The following CD6 variants were observed in gnomAD, a reference collection of about 807,000 sequenced individuals.
CD6 encodes CD6 molecule, also known as T-cell differentiation antigen CD6.
Under a neutral mutation model 75.3 loss-of-function variants are expected in CD6, and 53 were observed. The observed-to-expected ratio is 0.70, with a 90% CI of 0.56 to 0.88. The LOEUF (loss-of-function observed/expected upper bound fraction) is 0.88, where lower values mean the gene tolerates loss of function less well. Ranked by LOEUF, CD6 falls within the 40% of genes least tolerant of loss-of-function variation. The pLI, the probability that CD6 is intolerant of heterozygous loss-of-function variation, is 0.00. For synonymous variants in CD6, 359 were observed against 381.5 expected, an observed-to-expected ratio of 0.94 and a Z score of 0.69; for missense variants, 770 against 897.1, an observed-to-expected ratio of 0.86 and a Z score of 1.81.
At chr11:60,979,804 T>C (rs1340339717) in intron 1 of CD6, among the ~76,000 whole-genome samples, 1 of 152,168 alleles carries the variant, frequency 6.6e-6, no homozygotes, top group African/African-American at 2.4e-5. Context: ...ATTCAGTACC[T>C]GCTGAGTACC....
At chr11:60,980,420 T>C (rs948250420) in intron 1 of CD6, among the ~76,000 whole-genome samples, 15 of 152,084 alleles carry the variant, frequency 9.9e-5, no homozygotes, top group African/African-American at 3.6e-4. Context: ...GAGAATGACT[T>C]GAGCCCAGGA....
At chr11:61,000,201 G>C (rs1858513545) in intron 1 of CD6, among the ~76,000 whole-genome samples, 1 of 152,216 alleles carries the variant, frequency 6.6e-6, no homozygotes, top group African/African-American at 2.4e-5. Flanking sequence ...TATGGTACTT[G>C]AGATAGTTTT....
intron 1 of CD6, among the ~76,000 whole-genome samples, chr11:60,983,728 G>A (rs954849212): frequency 6.6e-6 from 1 of 151,634 alleles, no homozygotes; most frequent in African/African-American, 2.4e-5. Flanking sequence ...TTGGATAATC[G>A]ACAGAATTTA....
chr11:60,988,799 A>T (rs1297636194), intron 1 of CD6, among the ~76,000 whole-genome samples: 1 of 152,150 alleles, frequency 6.6e-6, no homozygotes, highest in East Asian at 1.9e-4. Flanking sequence ...CACAAGCTAA[A>T]ACTGCTTCTG....
intron 9 of CD6, among the ~76,000 whole-genome samples, chr11:61,016,552 T>G (rs1859414129): frequency 6.6e-6 from 1 of 152,260 alleles, no homozygotes; most frequent in Admixed American, 6.5e-5. Context: ...TTCTTGCTGC[T>G]GTGCAGTCCC....
chr11:61,015,556 G>A (rs1859358646), intron 8 of CD6, 157 bp from the exon 9 acceptor site: 2 of 833,166 alleles, frequency 2.4e-6, no homozygotes, highest in Non-Finnish European at 3.8e-6. Context: ...GGACAACAGA[G>A]TGAGACCCTG....
In CD6 at chr11:61,020,086, CCCCAG is replaced by C; in HGVS notation, c.*777_*781del. 1 of 398,578 alleles carries C rather than the reference CCCCAG, an allele frequency of 2.5e-6. No individual in the cohort carries two copies. The highest frequency in any genetic ancestry group is 4.4e-6 in the Non-Finnish European group (1 of 226,136). 24.7% of individuals were successfully genotyped at this position (398,578 alleles called of 1,614,324 possible). A position where few individuals can be genotyped will look rare whatever the true frequency, so the allele number is the denominator to read the frequency against. ...AGTTTCCTATGGTTTACAAAGAGGG[CCCCAG>C]CCCAGCCCCACCACAGATCCCAGAG... On this transcript the variant is annotated 3_prime_UTR_variant, in exon 13 of 13. Transcript: ENST00000313421.
At chr11:60,996,168 C>T (rs1409552181) in intron 1 of CD6, among the ~76,000 whole-genome samples, 3 of 152,192 alleles carry the variant, frequency 2.0e-5, no homozygotes, top group Admixed American at 1.3e-4. Flanking sequence ...TTCCCCATCT[C>T]GTGGTCTTGC....
At chr11:61,017,721 C>T (rs1481686588) in intron 10 of CD6, 38 bp from the exon 11 acceptor site, 2 of 1,612,826 alleles carry the variant, frequency 1.2e-6, no homozygotes, top group African/African-American at 1.3e-5. Context: ...TCTTGCTGCA[C>T]TGCTTCTTTC....
At chr11:60,978,839 A>C (rs930399376) in intron 1 of CD6, among the ~76,000 whole-genome samples, 1 of 152,198 alleles carries the variant, frequency 6.6e-6, no homozygotes, top group African/African-American at 2.4e-5. Context: ...AAAATCCCCA[A>C]CTCACCAAAG....
At chr11:61,014,741 A>AC (rs200644543) in intron 8 of CD6, among the ~76,000 whole-genome samples, 2,564 of 152,050 alleles carry the variant, frequency 0.017, 87 homozygotes, top group African/African-American at 0.058. Context: ...TCTCAAAAAA[A>AC]AAAAAAAAGA....
intron 1 of CD6, among the ~76,000 whole-genome samples, chr11:60,999,035 G>A (rs1343690312): frequency 2.0e-5 from 3 of 152,046 alleles, no homozygotes; most frequent in African/African-American, 7.2e-5. Flanking sequence ...GCACATGCCT[G>A]TAGTCCCAGC....
intron 1 of CD6, among the ~76,000 whole-genome samples, chr11:60,983,805 G>A (rs2905507): frequency 0.46 from 70,148 of 151,966 alleles, 18,720 homozygotes; most frequent in East Asian, 0.88. Flanking sequence ...AGTATGCTGC[G>A]TTTAATTCTC....
Position 61,007,856 on chromosome 11 carries a change from G to A in CD6, c.415G>A (p.Val139Met). The A allele has an allele frequency of 7.1e-7, 1 of 1,402,454 alleles. No individual in the cohort carries two copies. The allele number at this position is 1,402,454 out of a possible 1,614,324, so 86.9% of individuals were successfully genotyped here. A position where few individuals can be genotyped will look rare whatever the true frequency, so the allele number is the denominator to read the frequency against. Residue 139 changes from valine (V) to methionine (M), a missense_variant, in exon 3 of 13, where the codon GTG becomes ATG. Coordinates refer to ENST00000313421, the MANE Select transcript of CD6 (RefSeq NM_006725.5). The surrounding 1 kb of genome is among the most constrained non-coding windows in gnomAD (Gnocchi z 4.2). Reference protein sequence around the residue: ...CSGAEWRLCEVVEHACRSDGR... With the variant: ...CSGAEWRLCEMVEHACRSDGR... The stretch of plus-strand genomic sequence containing the variant: ...CGGCGCCGAGTGGCGGCTCTGCGAG[G>A]TGGTGGAGCACGCGTGCCGCAGCGA...
intron 5 of CD6, 105 bp downstream of exon 5, chr11:61,009,979 A>T: frequency 9.5e-7 from 1 of 1,049,262 alleles, no homozygotes; most frequent in Non-Finnish European, 1.4e-6. Context: ...CAGATCGGCA[A>T]TGGCACATAT....
chr11:60,975,890 T>G (rs1857344603), intron 1 of CD6, among the ~76,000 whole-genome samples: 1 of 152,254 alleles, frequency 6.6e-6, no homozygotes, highest in African/African-American at 2.4e-5. Flanking sequence ...ACACTGCTTT[T>G]GATATTCTAA....
chr11:60,981,950 T>C (rs1857574319), intron 1 of CD6, among the ~76,000 whole-genome samples: 1 of 151,492 alleles, frequency 6.6e-6, no homozygotes, highest in Admixed American at 6.6e-5. Flanking sequence ...CACCGTGTGC[T>C]AGGGGGTGGG....
At chr11:60,982,392 CAG>C (rs1456212081) in intron 1 of CD6, among the ~76,000 whole-genome samples, 4 of 152,186 alleles carry the variant, frequency 2.6e-5, no homozygotes, top group Non-Finnish European at 2.9e-5. Flanking sequence ...CAGTGGCTGA[CAG>C]AGCTGGGAGC....
intron 1 of CD6, among the ~76,000 whole-genome samples, chr11:61,000,987 T>C (rs1302798163): frequency 2.0e-5 from 3 of 152,088 alleles, no homozygotes; most frequent in African/African-American, 4.8e-5. Flanking sequence ...GCCGCTCCCC[T>C]CCATCCCTTC....
Sources: gnomAD v4.1 joint callset for allele counts (sites outside exome capture counted in the v4.1 genomes callset) on GRCh38, gnomAD v4.1.1 for gene constraint, Gnocchi (gnomAD v3.1) non-coding constraint, MANE v1.5 for transcripts, NCBI Gene and HGNC (gene_info 2026-07-23, HGNC 2026-07-21) for gene names.